The following PDZRN4 variants were observed in gnomAD, a reference collection of about 807,000 sequenced individuals.
PDZRN4 encodes the protein PDZ domain containing ring finger 4.
Under a neutral mutation model 99.0 loss-of-function variants are expected in PDZRN4, and 70 were observed. The observed-to-expected ratio is 0.71, with a 90% confidence interval of 0.58 to 0.86. The LOEUF (loss-of-function observed/expected upper bound fraction) is 0.86, where lower values mean the gene tolerates loss of function less well. PDZRN4 is among the 40% of genes least tolerant of loss of function. The probability of loss-of-function intolerance (pLI) is 0.00; values close to 1 mark genes in which losing one functional copy is unlikely to be tolerated. For synonymous variants in PDZRN4, 551 were observed against 501.6 expected (o/e 1.10, Z -1.32); for missense variants, 1,474 against 1,331.2 (o/e 1.11, Z -1.67).
intron 3 of PDZRN4, among the ~76,000 whole-genome samples, chr12:41,202,980 T>A (rs1209587615): frequency 6.6e-6 from 1 of 151,994 alleles, no homozygotes; most frequent in Non-Finnish European, 1.5e-5. Context: ...AGGGAAACAA[T>A]AGATTTACTC....
At chr12:41,422,048 G>A (rs1565578813) in intron 3 of PDZRN4, among the ~76,000 whole-genome samples, 1 of 152,020 alleles carries the variant, frequency 6.6e-6, no homozygotes, top group Non-Finnish European at 1.5e-5. Context: ...TGAATTTAAT[G>A]GATTGTTTTT....
chr12:41,325,483 A>G (rs1951703449), intron 3 of PDZRN4, among the ~76,000 whole-genome samples: 1 of 152,202 alleles, frequency 6.6e-6, no homozygotes, highest in Non-Finnish European at 1.5e-5. Flanking sequence ...TCTCTGAGGA[A>G]ATAAGATAAG....
intron 3 of PDZRN4, among the ~76,000 whole-genome samples, chr12:41,465,698 C>G (rs1036926268): frequency 6.6e-6 from 1 of 152,190 alleles, no homozygotes; most frequent in African/African-American, 2.4e-5. Flanking sequence ...TGGGAACTAA[C>G]CAGTCTCTCT....
At chr12:41,215,649 T>G (rs1025459062) in intron 3 of PDZRN4, among the ~76,000 whole-genome samples, 1 of 151,778 alleles carries the variant, frequency 6.6e-6, no homozygotes, top group Non-Finnish European at 1.5e-5. Context: ...CATTGTAGGA[T>G]TTTTTTTACA....
intron 3 of PDZRN4, among the ~76,000 whole-genome samples, chr12:41,433,488 C>T (rs535271667): frequency 6.6e-6 from 1 of 152,144 alleles, no homozygotes; most frequent in Non-Finnish European, 1.5e-5. Flanking sequence ...TTCAAAAGCA[C>T]GTAAGTATCT....
At chr12:41,556,337 G>T (rs757749004) in intron 7 of PDZRN4, among the ~76,000 whole-genome samples, 2 of 152,172 alleles carry the variant, frequency 1.3e-5, no homozygotes, top group Admixed American at 6.5e-5. Flanking sequence ...ATGATTTCCG[G>T]GTTGTGCAAA....
At chr12:41,282,020 C>T (rs983927361) in intron 3 of PDZRN4, among the ~76,000 whole-genome samples, 1 of 152,120 alleles carries the variant, frequency 6.6e-6, no homozygotes, top group Admixed American at 6.5e-5. Flanking sequence ...TCATACATAA[C>T]AATATTAACC....
At chr12:41,465,107 G>A (rs1275428846) in intron 3 of PDZRN4, among the ~76,000 whole-genome samples, 1 of 152,156 alleles carries the variant, frequency 6.6e-6, no homozygotes, top group East Asian at 1.9e-4. Flanking sequence ...TTACAGGCAT[G>A]AGCCACTGCA....
chr12:41,565,203 T>G (rs1323489289), intron 8 of PDZRN4, among the ~76,000 whole-genome samples: 2 of 152,124 alleles, frequency 1.3e-5, no homozygotes, highest in African/African-American at 4.8e-5. Context: ...CAAATGAGAC[T>G]TCCCTTTCCA....
intron 3 of PDZRN4, among the ~76,000 whole-genome samples, chr12:41,394,240 C>G (rs1952229975): frequency 6.6e-6 from 1 of 152,018 alleles, no homozygotes; most frequent in Non-Finnish European, 1.5e-5. Context: ...TAATTATCTA[C>G]CAAAGCCCTG....
intron 3 of PDZRN4, among the ~76,000 whole-genome samples, chr12:41,434,102 ATAGAG>A (rs1952608130): frequency 6.6e-6 from 1 of 152,212 alleles, no homozygotes; most frequent in South Asian, 2.1e-4. Flanking sequence ...ATGTGAAAAT[ATAGAG>A]TAATGACCTT....
At chr12:41,553,861 T>A (rs1939099075) in intron 6 of PDZRN4, among the ~76,000 whole-genome samples, 1 of 100,006 alleles carries the variant, frequency 1.0e-5, no homozygotes, top group Non-Finnish European at 2.0e-5. Context: ...TTCTTGGCCA[T>A]AATCTTGAAA....
At chr12:41,425,879 C>T (rs1372610131) in intron 3 of PDZRN4, among the ~76,000 whole-genome samples, 1 of 151,980 alleles carries the variant, frequency 6.6e-6, no homozygotes, top group Admixed American at 6.6e-5. Context: ...AATATAAATC[C>T]ATCCACTCTT....
chr12:41,502,788 G>T (rs950744707), intron 3 of PDZRN4, among the ~76,000 whole-genome samples: 1 of 152,000 alleles, frequency 6.6e-6, no homozygotes, highest in Non-Finnish European at 1.5e-5. Flanking sequence ...AAAAAGGGAA[G>T]GTGGGATGGA....
intron 3 of PDZRN4, among the ~76,000 whole-genome samples, chr12:41,471,675 T>C (rs1325532854): frequency 6.6e-6 from 1 of 151,022 alleles, no homozygotes; most frequent in African/African-American, 2.4e-5. Context: ...TGAATGCACA[T>C]TGAAATTACT....
chr12:41,340,425 G>T (rs576314125), intron 3 of PDZRN4, among the ~76,000 whole-genome samples: 1 of 151,916 alleles, frequency 6.6e-6, no homozygotes, highest in Non-Finnish European at 1.5e-5. Flanking sequence ...GTTACCAGAG[G>T]CTGGGAAGGG....
chr12:41,420,065 G>A (rs548362308), intron 3 of PDZRN4, among the ~76,000 whole-genome samples: 12 of 152,128 alleles, frequency 7.9e-5, no homozygotes, highest in Middle Eastern at 3.4e-3. Flanking sequence ...TTTAGTTTAA[G>A]CTCAAGAAAA....
intron 3 of PDZRN4, among the ~76,000 whole-genome samples, chr12:41,500,972 G>A (rs551083955): frequency 6.6e-6 from 1 of 152,236 alleles, no homozygotes; most frequent in Admixed American, 6.6e-5. Context: ...AGGGACTTCA[G>A]TCAAAATTAA....
At chr12:41,437,989 C>T in intron 3 of PDZRN4, 6 of 1,614,120 alleles carry the variant, frequency 3.7e-6, no homozygotes, top group Non-Finnish European at 5.1e-6. Flanking sequence ...AGGAACACTA[C>T]AAACTGCTGT....
Sources: gnomAD v4.1 joint callset for allele counts (sites outside exome capture counted in the v4.1 genomes callset) on GRCh38, gnomAD v4.1.1 for gene constraint, MANE v1.5 for transcripts, NCBI Gene and HGNC (gene_info 2026-07-23, HGNC 2026-07-21) for gene names.